CYP24A1: variants seen among roughly 807,000 people sequenced by gnomAD.
CYP24A1 encodes 1,25-dihydroxyvitamin D(3) 24-hydroxylase, mitochondrial.
Under a neutral mutation model 62.4 loss-of-function variants are expected in CYP24A1, and 68 were observed. That is an observed-to-expected ratio of 1.09 (90% CI 0.90 to 1.33). The LOEUF (loss-of-function observed/expected upper bound fraction) is 1.33. Ranked by LOEUF, CYP24A1 falls within the 40% of genes most tolerant of loss-of-function variation. The probability of loss-of-function intolerance (pLI) is 0.00; values close to 1 mark genes in which losing one functional copy is unlikely to be tolerated. For missense variants in CYP24A1, 787 were observed against 653.0 expected (o/e 1.21, Z -2.24); for synonymous variants, 267 against 253.0 (o/e 1.06, Z -0.52).
At chr20:54,172,388 C>G (rs574516815) in intron 2 of CYP24A1, among the ~76,000 whole-genome samples, 1 of 152,142 alleles carries the variant, frequency 6.6e-6, no homozygotes, top group Non-Finnish European at 1.5e-5. Flanking sequence ...TAGCATTTGT[C>G]GACCTAAAAC....
At chr20:54,146,230 T>C in the CYP24A1 span, among the ~76,000 whole-genome samples, 2 of 152,246 alleles carry the variant, frequency 1.3e-5, no homozygotes, top group African/African-American at 4.8e-5. Flanking sequence ...TTTTGCACCA[T>C]CCTACTACAA....
chr20:54,159,952 A>T (rs142435218), intron 7 of CYP24A1, among the ~76,000 whole-genome samples: 49 of 152,366 alleles, frequency 3.2e-4, no homozygotes, highest in African/African-American at 1.0e-3. Context: ...AAAAACATTC[A>T]TATAAAAATG....
chr20:54,146,139 G>C, the CYP24A1 span, among the ~76,000 whole-genome samples: 1 of 152,170 alleles, frequency 6.6e-6, no homozygotes, highest in African/African-American at 2.4e-5. Flanking sequence ...CAATCACACA[G>C]TCAGCCCTTA....
chr20:54,168,793 G>GCCTTCCCTCCCTCCCTTCTTCCTTCCTT (rs1163364948), intron 4 of CYP24A1, among the ~76,000 whole-genome samples: 51 of 21,924 alleles, frequency 2.3e-3, no homozygotes, highest in East Asian at 5.3e-3. Flanking sequence ...CCTCCCTTCT[G>GCCTTCCCTCCCTCCCTTCTTCCTTCCTT]CCTTCCCTCC....
At chr20:54,169,531 C>T in intron 4 of CYP24A1, 61 bp downstream of exon 4, 1 of 1,612,026 alleles carries the variant, frequency 6.2e-7, no homozygotes, top group Non-Finnish European at 8.5e-7. Flanking sequence ...GTCAAAAGAG[C>T]CATGTTTTAT....
Position 54,171,538 on chromosome 20 carries a change from C to A in CYP24A1, c.543+39G>T, listed in dbSNP as rs1431119387. 6 of 1,613,598 alleles carry A rather than the reference C, an allele frequency of 3.7e-6. No homozygotes were observed. In the Admixed American group the frequency reaches 8.3e-5, roughly 22 times the overall value. On this transcript the variant is annotated intron_variant, in intron 3 of 11. Transcript: ENST00000216862. The stretch of plus-strand genomic sequence containing the variant: ...TGAAGCTCCACCAATATCCCTATGT[C>A]CCCACGAGCCCCAGGAAAGCTGGCC...
chr20:54,171,421 G>A lies in CYP24A1; in HGVS notation c.543+156C>T, dbSNP rs114167583. 2.6e-3 allele frequency among the ~76,000 whole-genome samples: 392 copies of A among 152,244 alleles called. 1 individual carries two copies. Among genetic ancestry groups the A allele is most frequent in the African/African-American group, 9.0e-3 (372 of 41,536 alleles). ...AGAAATAAGGGTTTGGTGGGGAGGA[G>A]GCTGTAGGAAGGAATGGAGAGAAAG... On this transcript the variant is annotated intron_variant, in intron 3 of 11. Transcript: ENST00000216862.
chr20:54,156,641 T>C (rs1309437990), intron 11 of CYP24A1, among the ~76,000 whole-genome samples: 1 of 152,218 alleles, frequency 6.6e-6, no homozygotes, highest in Non-Finnish European at 1.5e-5. Context: ...TTCTGACCTA[T>C]AGAACTGTAA....
intron 11 of CYP24A1, among the ~76,000 whole-genome samples, chr20:54,156,485 C>CA (rs1431469296): frequency 1.3e-5 from 2 of 151,888 alleles, no homozygotes; most frequent in African/African-American, 4.8e-5. Flanking sequence ...CTGACAGCAG[C>CA]AAAAAAATAA....
rs376561496 is a variant in CYP24A1 at position 54,169,874 on chromosome 20, G to A, written c.544-186C>T. Reference sequence around the variant, plus strand: ...ACCCACCTTATCCCCTAATGACCTCGTCCTGGGTTATTTCCTGAGCTTTTC... The same window carrying A: ...ACCCACCTTATCCCCTAATGACCTCATCCTGGGTTATTTCCTGAGCTTTTC... On this transcript the variant is annotated intron_variant, in intron 3 of 11. Coordinates refer to ENST00000216862, the MANE Select transcript of CYP24A1 (RefSeq NM_000782.5). Among the ~76,000 whole-genome samples, 36 of 152,228 alleles carry A rather than the reference G, an allele frequency of 2.4e-4. 1 individual carries two copies. The highest frequency in any genetic ancestry group is 6.5e-4 in the Admixed American group (10 of 15,298).
chr20:54,171,762 A>G, intron 2 of CYP24A1, 92 bp from the exon 3 acceptor site: 1 of 1,610,032 alleles, frequency 6.2e-7, no homozygotes, highest in Non-Finnish European at 8.5e-7. Context: ...GAACCATAAA[A>G]TCAAACAAAC....
intron 7 of CYP24A1, 172 bp downstream of exon 7, chr20:54,162,545 T>C (rs2092655986): frequency 9.4e-6 from 6 of 638,372 alleles, no homozygotes; most frequent in African/African-American, 2.0e-5. Context: ...CACCGTGGCA[T>C]AGATGCTGTG....
chr20:54,150,616 G>C (rs1304418926), downstream of CYP24A1, among the ~76,000 whole-genome samples: 1 of 152,082 alleles, frequency 6.6e-6, no homozygotes, highest in South Asian at 2.1e-4. Context: ...ATGAGCCACC[G>C]TGCCCAGCCA....
chr20:54,171,283 C>T (rs1407614490), intron 3 of CYP24A1, among the ~76,000 whole-genome samples: 1 of 152,190 alleles, frequency 6.6e-6, no homozygotes, highest in Non-Finnish European at 1.5e-5. Context: ...AGCCAGGTCT[C>T]ATAGCCAGGG....
rs974055990 is a variant in CYP24A1 at position 54,162,516 on chromosome 20, A to G, written c.990+201T>C. On this transcript the variant is annotated intron_variant, in intron 7 of 11. Coordinates refer to ENST00000216862, the MANE Select transcript of CYP24A1 (RefSeq NM_000782.5). ...GCATGGAGGCACCGTGGCGTCTGGT[A>G]TGAGGCCGTGCGCTGAGGCACCGTG... 3 of 583,488 alleles carry G rather than the reference A, an allele frequency of 5.1e-6. No individual in the cohort carries two copies. In the Admixed American group the frequency reaches 8.0e-5, roughly 16 times the overall value. The allele number at this position is 583,488 out of a possible 1,614,324, so 36.1% of individuals were successfully genotyped here. A position where few individuals can be genotyped will look rare whatever the true frequency, so the allele number is the denominator to read the frequency against.
intron 7 of CYP24A1, among the ~76,000 whole-genome samples, chr20:54,162,233 T>TG (rs2092653536): frequency 7.9e-6 from 1 of 126,500 alleles, no homozygotes; most frequent in African/African-American, 3.0e-5. Flanking sequence ...TTTTTTTTTT[T>TG]TTTTTTTTTT....
intron 4 of CYP24A1, among the ~76,000 whole-genome samples, 170 bp downstream of exon 4, chr20:54,169,422 T>C (rs1381811336): frequency 2.0e-5 from 3 of 152,086 alleles, no homozygotes; most frequent in Non-Finnish European, 4.4e-5. Context: ...TCATTAACAA[T>C]CCATAGTTCA....
intron 6 of CYP24A1, among the ~76,000 whole-genome samples, chr20:54,163,440 CT>C (rs145224139): frequency 0.017 from 2,533 of 152,312 alleles, 87 homozygotes; most frequent in African/African-American, 0.058. Flanking sequence ...AACCACCAGG[CT>C]CATTATATGG....
chr20:54,169,876 C>T (rs2092688260), intron 3 of CYP24A1, among the ~76,000 whole-genome samples, 188 bp from the exon 4 acceptor site: 1 of 152,216 alleles, frequency 6.6e-6, no homozygotes. Context: ...ATGACCTCGT[C>T]CTGGGTTATT....
Sources: allele counts gnomAD v4.1 joint callset (sites outside exome capture counted in the v4.1 genomes callset), GRCh38; gene constraint gnomAD v4.1.1; transcripts MANE v1.5; gene names NCBI Gene and HGNC (gene_info 2026-07-23, HGNC 2026-07-21).